Variants in FRMD6 observed in about 807,000 individuals in gnomAD.
The protein encoded by FRMD6 is FERM domain-containing protein 6.
FRMD6 carries 37 observed loss-of-function variants against 73.2 expected under a neutral mutation model. That is an observed-to-expected ratio of 0.51 (90% CI 0.39 to 0.66). The LOEUF is 0.66. FRMD6 is among the 30% of genes least tolerant of loss of function. The pLI, the probability that FRMD6 is intolerant of heterozygous loss-of-function variation, is 0.00. For missense variants in FRMD6, 714 were observed against 780.5 expected, an observed-to-expected ratio of 0.91 and a Z score of 1.02; for synonymous variants, 273 against 282.2, an observed-to-expected ratio of 0.97 and a Z score of 0.33.
intron 1 of FRMD6, among the ~76,000 whole-genome samples, chr14:51,496,467 T>C (rs1883299393): frequency 6.6e-6 from 1 of 152,220 alleles, no homozygotes; most frequent in African/African-American, 2.4e-5. Context: ...GTCTGGGGCC[T>C]CAGATAGAGA....
At chr14:51,498,989 C>T (rs755960631) in intron 1 of FRMD6, among the ~76,000 whole-genome samples, 1 of 152,212 alleles carries the variant, frequency 6.6e-6, no homozygotes, top group Non-Finnish European at 1.5e-5. Context: ...TTTTACTTCA[C>T]ATTTGGAAAG....
In FRMD6 at chr14:51,704,844, C is replaced by T. The variant is rs139820991; in HGVS notation, c.467C>T (p.Ala156Val). The T allele has an allele frequency of 6.2e-7, 1 of 1,613,384 alleles. No homozygotes were observed. The highest frequency in any genetic ancestry group is 8.5e-7 in the Non-Finnish European group (1 of 1,179,536). The change falls in exon 6 of 14, where the codon GCA (alanine) becomes GTA (valine). Residue 156 changes from alanine to valine, a missense_variant. Physicochemically the swap from Ala to Val is moderately conservative, Grantham distance 64. Transcript: ENST00000344768. Reference sequence around the variant, plus strand: ...CGAGAGGAGGCCTACTTCCTGCTGGCAGCCTTTGCCCTGCAGGCTGATCTT... The same window carrying T: ...CGAGAGGAGGCCTACTTCCTGCTGGTAGCCTTTGCCCTGCAGGCTGATCTT... ...VLREEAYFLL[A>V]AFALQADLGN... is the part of the protein sequence containing the mutation.
chr14:51,704,593 T>C, intron 5 of FRMD6, 156 bp from the exon 6 acceptor site: 1 of 599,812 alleles, frequency 1.7e-6, no homozygotes, highest in Non-Finnish European at 2.9e-6. Context: ...AGCTATCAGA[T>C]ATTAGCTACA....
the FRMD6 span, among the ~76,000 whole-genome samples, chr14:51,480,791 A>C: frequency 3.5e-4 from 54 of 152,288 alleles, no homozygotes; most frequent in East Asian, 9.3e-3. Flanking sequence ...GAGCTACTAC[A>C]TGCTAGGTGC....
At chr14:51,459,265 C>T in the FRMD6 span, among the ~76,000 whole-genome samples, 1 of 152,164 alleles carries the variant, frequency 6.6e-6, no homozygotes, top group Non-Finnish European at 1.5e-5. Context: ...CAAAGATGAC[C>T]ATTGGTGTCT....
intron 2 of FRMD6, among the ~76,000 whole-genome samples, chr14:51,600,407 A>T (rs1448994799): frequency 1.3e-5 from 2 of 152,218 alleles, no homozygotes; most frequent in Admixed American, 1.3e-4. Context: ...GAGTGCTATA[A>T]CCAAGGTGAG....
rs146283985 is a variant in FRMD6, at chr14:51,600,434, C to T, written c.-147+30024C>T. Among the ~76,000 whole-genome samples the T allele has an allele frequency of 3.9e-5, 6 of 152,282 alleles. No homozygotes were observed. The East Asian group carries it at 7.7e-4, about 20-fold the overall frequency. On this transcript the variant is annotated intron_variant, in intron 2 of 14. Transcript: ENST00000356218. ...CAAGGTGAGAAAGGCTAGAAACAGA[C>T]GTAGAATTACAATTACCAAAGGGAG...
chr14:51,397,693 T>C, the FRMD6 span, among the ~76,000 whole-genome samples: 3 of 152,332 alleles, frequency 2.0e-5, no homozygotes, highest in African/African-American at 2.4e-5. Context: ...AAAATCTGAA[T>C]GTTTTGAGCA....
intron 2 of FRMD6, among the ~76,000 whole-genome samples, chr14:51,594,326 A>C (rs1005734563): frequency 1.4e-5 from 2 of 145,886 alleles, no homozygotes; most frequent in Non-Finnish European, 3.0e-5. Flanking sequence ...TTATTTATTT[A>C]TTTATTTATT....
intron 1 of FRMD6, among the ~76,000 whole-genome samples, chr14:51,668,888 C>G (rs750547427): frequency 1.4e-5 from 2 of 144,564 alleles, no homozygotes; most frequent in African/African-American, 5.1e-5. Flanking sequence ...AGGCTGGTCT[C>G]GAACTCCTGA....
At chr14:51,643,821 AC>A (rs1337302859) in intron 2 of FRMD6, 47 of 152,262 alleles carry the variant, frequency 3.1e-4, no homozygotes, top group African/African-American at 1.1e-3. Context: ...TCCTTGTTCA[AC>A]TCAAACTATT....
At chr14:51,482,649 A>C in the FRMD6 span, among the ~76,000 whole-genome samples, 2 of 150,550 alleles carry the variant, frequency 1.3e-5, no homozygotes, top group African/African-American at 4.9e-5. Context: ...AGAGAGGTGC[A>C]ATTGGAGAAG....
At chr14:51,581,971 C>T (rs1888750108) in intron 2 of FRMD6, among the ~76,000 whole-genome samples, 1 of 152,176 alleles carries the variant, frequency 6.6e-6, no homozygotes, top group Non-Finnish European at 1.5e-5. Flanking sequence ...ATATTAAATC[C>T]CAGCTCTTCC....
the FRMD6 span, among the ~76,000 whole-genome samples, chr14:51,475,272 G>A: frequency 6.6e-6 from 1 of 152,186 alleles, no homozygotes; most frequent in Admixed American, 6.5e-5. Context: ...TGGAACCTGA[G>A]GATATATGTG....
the FRMD6 span, among the ~76,000 whole-genome samples, chr14:51,455,090 G>A: frequency 1.3e-5 from 2 of 152,194 alleles, no homozygotes; most frequent in Non-Finnish European, 2.9e-5. Context: ...CCAGTGAGCA[G>A]TAGTCAAGTA....
At chr14:51,444,191 A>T in the FRMD6 span, among the ~76,000 whole-genome samples, 2 of 152,192 alleles carry the variant, frequency 1.3e-5, no homozygotes, top group Admixed American at 6.5e-5. Context: ...GGCCTCCCAA[A>T]GTGCCGGGAT....
In FRMD6 at chr14:51,502,970, A is replaced by T. The variant is rs576814574; in HGVS notation, c.-210+13550A>T. ...TCTCTTTGTAGCAGTTGTGAATGGGAGTTCATTCATGATTTGGCTCTCTGC... is the reference window on the plus strand; with the variant it reads ...TCTCTTTGTAGCAGTTGTGAATGGGTGTTCATTCATGATTTGGCTCTCTGC... On this transcript the variant is annotated intron_variant, in intron 1 of 14. Coordinates refer to the FRMD6 transcript ENST00000356218. Among the ~76,000 whole-genome samples the T allele has an allele frequency of 1.6e-3, 250 of 152,162 alleles. 1 individual carries two copies. Among genetic ancestry groups the T allele is most frequent in the African/African-American group, 5.8e-3 (240 of 41,504 alleles).
intron 2 of FRMD6, among the ~76,000 whole-genome samples, chr14:51,644,287 T>G (rs1024811678): frequency 2.0e-5 from 3 of 151,974 alleles, no homozygotes; most frequent in Non-Finnish European, 4.4e-5. Flanking sequence ...CCCAGAAGCT[T>G]CTCAAAAAAT....
At chr14:51,529,195 T>G (rs887340956) in intron 1 of FRMD6, among the ~76,000 whole-genome samples, 2 of 152,236 alleles carry the variant, frequency 1.3e-5, no homozygotes, top group African/African-American at 4.8e-5. Flanking sequence ...AAAGCATATA[T>G]TATGGTGCTA....
Sources: gnomAD v4.1 joint callset for allele counts (sites outside exome capture counted in the v4.1 genomes callset) on GRCh38, gnomAD v4.1.1 for gene constraint, MANE v1.5 for transcripts, NCBI Gene and HGNC (gene_info 2026-07-23, HGNC 2026-07-21) for gene names.